Variants in HNMT observed in about 807,000 individuals in gnomAD.
HNMT encodes histamine N-methyltransferase.
Under a neutral mutation model 32.1 loss-of-function variants are expected in HNMT, and 30 were observed. That is an observed-to-expected ratio of 0.93 (90% CI 0.70 to 1.27). The LOEUF is 1.27. Ranked by LOEUF, HNMT falls within the 50% of genes most tolerant of loss-of-function variation. The probability of loss-of-function intolerance (pLI) is 0.00; values close to 1 mark genes in which losing one functional copy is unlikely to be tolerated. For synonymous variants in HNMT, 125 were observed against 119.0 expected, an observed-to-expected ratio of 1.05 and a Z score of -0.33; for missense variants, 327 against 346.0, an observed-to-expected ratio of 0.95 and a Z score of 0.43.
chr2:137,991,281 T>C (rs1469738273), intron 2 of HNMT, among the ~76,000 whole-genome samples: 2 of 152,242 alleles, frequency 1.3e-5, no homozygotes. Context: ...TGGATAGGCA[T>C]GACTGAAGCA....
rs373933467 is a variant in HNMT at position 138,001,613 on chromosome 2, G to A, written c.299-451G>A. Among the ~76,000 whole-genome samples, 8 of 152,064 alleles carry A rather than the reference G, an allele frequency of 5.3e-5. No homozygotes were observed. In the East Asian group the frequency reaches 7.7e-4, roughly 15 times the overall value. ...TTAAATCATTCAAAAATATAATGAC[G>A]TGAAACATGAATGGCAGTGACACAA... is the stretch of plus-strand genomic sequence containing the variant. On this transcript the variant is annotated intron_variant, in intron 3 of 5. Coordinates refer to ENST00000280097, the MANE Select transcript of HNMT (RefSeq NM_006895.3).
At chr2:137,989,017 C>T (rs907741904) in intron 2 of HNMT, among the ~76,000 whole-genome samples, 10 of 152,022 alleles carry the variant, frequency 6.6e-5, no homozygotes, top group African/African-American at 2.4e-4. Context: ...GCATTGTCTC[C>T]CCATTATATA....
intron 5 of HNMT, among the ~76,000 whole-genome samples, chr2:138,013,452 T>C (rs911861506): frequency 6.6e-6 from 1 of 152,116 alleles, no homozygotes; most frequent in African/African-American, 2.4e-5. Context: ...TGGAGTCATC[T>C]TCCCCCTGAT....
rs1256335723 is a variant in HNMT, at chr2:138,014,055, G to C, written c.804G>C (p.Glu268Asp). The C allele has an allele frequency of 6.2e-7, 1 of 1,613,266 alleles. No homozygotes were observed. The highest frequency in any genetic ancestry group is 8.5e-7 in the Non-Finnish European group (1 of 1,179,544). ...CAGAGCTTGGGAAAGATCTACAAGA[G>C]CCTGAATTTAGTGCTAAGAAAGAGG... ...LRAELGKDLQ[E>D]PEFSAKKEGK... Residue 268 changes from glutamate (E) to aspartate (D), a missense_variant, in exon 6 of 6, where the codon GAG (glutamate) becomes GAC (aspartate). By Grantham distance (45) the Glu-to-Asp change is conservative. Coordinates refer to ENST00000280097, the MANE Select transcript of HNMT (RefSeq NM_006895.3).
chr2:137,964,698 T>G, intron 1 of HNMT, 70 bp downstream of exon 1: 1 of 1,494,380 alleles, frequency 6.7e-7, no homozygotes, highest in East Asian at 2.3e-5. Context: ...TAGATGGGTC[T>G]CGCTCAGCCT....
intron 5 of HNMT, among the ~76,000 whole-genome samples, chr2:138,006,963 T>C (rs1681347522): frequency 6.6e-6 from 1 of 152,064 alleles, no homozygotes; most frequent in African/African-American, 2.4e-5. Context: ...AACCAAAGTA[T>C]TTGATGATGG....
At chr2:137,997,551 A>G (rs2104969341) in intron 2 of HNMT, among the ~76,000 whole-genome samples, 1 of 152,354 alleles carries the variant, frequency 6.6e-6, no homozygotes, top group African/African-American at 2.4e-5. Flanking sequence ...GTGGAGAGAT[A>G]GGAGCACTTT....
chr2:137,970,026 G>A (rs1381826320), intron 1 of HNMT, 139 bp from the exon 2 acceptor site: 2 of 522,506 alleles, frequency 3.8e-6, no homozygotes, highest in Non-Finnish European at 6.9e-6. Context: ...CAATATAACT[G>A]ATATAATTGG....
intron 2 of HNMT, among the ~76,000 whole-genome samples, chr2:137,992,986 GCAA>G (rs1456452918): frequency 3.9e-5 from 6 of 151,988 alleles, no homozygotes; most frequent in East Asian, 1.9e-4. Context: ...CAAGCAGAAA[GCAA>G]CAACAACAGC....
chr2:137,973,357 A>G (rs530521163), intron 2 of HNMT, among the ~76,000 whole-genome samples: 24 of 152,300 alleles, frequency 1.6e-4, no homozygotes, highest in South Asian at 8.3e-4. Context: ...GCATTACTAT[A>G]CAGCAAGGAA....
intron 1 of HNMT, chr2:137,967,134 G>C (rs903469468): frequency 2.6e-6 from 2 of 779,128 alleles, no homozygotes; most frequent in African/African-American, 3.4e-5. Context: ...ATACTGGCCA[G>C]ATGTGTTGGT....
intron 1 of HNMT, chr2:137,967,288 T>C (rs759275716): frequency 1.2e-5 from 7 of 579,824 alleles, no homozygotes; most frequent in African/African-American, 1.9e-5. Flanking sequence ...GGCATGCACA[T>C]GCTACTCCAG....
intron 2 of HNMT, among the ~76,000 whole-genome samples, chr2:137,997,109 A>G (rs938515367): frequency 6.6e-6 from 1 of 152,228 alleles, no homozygotes; most frequent in East Asian, 1.9e-4. Context: ...GGACATAGGC[A>G]TGGGCAAAGA....
At chr2:137,990,503 T>G (rs557468793) in intron 2 of HNMT, among the ~76,000 whole-genome samples, 33 of 152,200 alleles carry the variant, frequency 2.2e-4, no homozygotes, top group Non-Finnish European at 4.1e-4. Context: ...TAGTAAGTCT[T>G]GAAGTCAGAT....
intron 2 of HNMT, among the ~76,000 whole-genome samples, chr2:137,995,866 A>G (rs542721067): frequency 6.6e-6 from 1 of 152,300 alleles, no homozygotes; most frequent in South Asian, 2.1e-4. Context: ...GGTTCAACAT[A>G]CACAAATCAA....
At chr2:138,003,505 C>G (rs1053140366) in intron 4 of HNMT, among the ~76,000 whole-genome samples, 1 of 152,126 alleles carries the variant, frequency 6.6e-6, no homozygotes, top group African/African-American at 2.4e-5. Flanking sequence ...ACAGGCAATT[C>G]TATGTCTCTG....
chr2:137,982,385 AGCT>A (rs1366530608), intron 2 of HNMT, among the ~76,000 whole-genome samples: 2 of 152,206 alleles, frequency 1.3e-5, no homozygotes, highest in African/African-American at 4.8e-5. Flanking sequence ...TTTAACATAC[AGCT>A]TGTGTGAAAG....
At chr2:137,967,947 T>G (rs1051563415) in intron 1 of HNMT, among the ~76,000 whole-genome samples, 4 of 152,186 alleles carry the variant, frequency 2.6e-5, no homozygotes, top group African/African-American at 7.2e-5. Flanking sequence ...TGGTTTTCTA[T>G]TCAATCAAAT....
intron 2 of HNMT, chr2:137,981,272 T>C: frequency 1.2e-6 from 2 of 1,613,760 alleles, no homozygotes; most frequent in Non-Finnish European, 1.7e-6. Flanking sequence ...TTTCATTTTG[T>C]GTAGCACCCG....
Sources: allele counts gnomAD v4.1 joint callset (sites outside exome capture counted in the v4.1 genomes callset), GRCh38; gene constraint gnomAD v4.1.1; transcripts MANE v1.5; gene names NCBI Gene and HGNC (gene_info 2026-07-23, HGNC 2026-07-21).